Variants in IL6R observed in about 807,000 individuals in gnomAD.
IL6R encodes interleukin 6 receptor.
In IL6R, 38 loss-of-function variants were observed where a neutral mutation model predicts 48.3. That is an observed-to-expected ratio of 0.79 (90% CI 0.61 to 1.03). IL6R has a LOEUF of 1.03. Among genes scored for constraint, IL6R ranks in the 50% least tolerant of loss-of-function variants. The probability of loss-of-function intolerance (pLI) is 0.00; values close to 1 mark genes in which losing one functional copy is unlikely to be tolerated. For missense variants in IL6R, 534 were observed against 618.3 expected (o/e 0.86, Z 1.45); for synonymous variants, 264 against 256.2 (o/e 1.03, Z -0.29).
rs900310746 is a variant in IL6R, at chr1:154,430,667, G to A, written c.458+61G>A. 5.0e-6 allele frequency: 8 copies of A among 1,607,512 alleles called. No homozygotes were observed. The African/African-American group carries it at 1.1e-4, about 21-fold the overall frequency. ...TCCCTCCTTCCCGAGGCCCCCCAGAGAGGGGCTGGTTCAGGTGATTTCAAA... is the reference window on the plus strand; with the variant it reads ...TCCCTCCTTCCCGAGGCCCCCCAGAAAGGGGCTGGTTCAGGTGATTTCAAA... On this transcript the variant is annotated intron_variant, in intron 3 of 9. Transcript: ENST00000368485.
chr1:154,456,585 C>T (rs913223978), intron 9 of IL6R, among the ~76,000 whole-genome samples: 9 of 151,916 alleles, frequency 5.9e-5, no homozygotes, highest in African/African-American at 1.5e-4. Context: ...GGGAGGAGTC[C>T]GGGATGACCC....
Position 154,447,438 on chromosome 1 carries a change from C to CAAA in IL6R, c.950-672_950-670dup, listed in dbSNP as rs201893129. On this transcript the variant is annotated intron_variant, in intron 6 of 9. Coordinates refer to ENST00000368485, the MANE Select transcript of IL6R (RefSeq NM_000565.4). ...TGGGCAAAAGAGTGAAACTCCATCT[C>CAAA]AAAAAAAAAAAAAAAAATATATATA... 1.4e-3 allele frequency among the ~76,000 whole-genome samples: 53 copies of CAAA among 38,406 alleles called. No individual in the cohort carries two copies. In the Middle Eastern group the frequency reaches 0.054, roughly 39 times the overall value. The allele number at this position is 38,406 out of a possible 152,430, so 25.2% of individuals were successfully genotyped here.
chr1:154,420,782 C>G (rs763568961), intron 1 of IL6R, among the ~76,000 whole-genome samples: 1 of 151,966 alleles, frequency 6.6e-6, no homozygotes, highest in Non-Finnish European at 1.5e-5. Flanking sequence ...GTGATCCACC[C>G]GTCTCAGCCT....
Position 154,466,411 on chromosome 1 carries a change from A to C in IL6R, c.*1031A>C, listed in dbSNP as rs556237141. 3 of 152,354 alleles carry C rather than the reference A, an allele frequency of 2.0e-5. No homozygotes were observed. Among genetic ancestry groups the C allele is most frequent in the South Asian group, 4.1e-4 (2 of 4,824 alleles). 9.4% of individuals were successfully genotyped at this position (152,354 alleles called of 1,614,324 possible). A position where few individuals can be genotyped will look rare whatever the true frequency, so the allele number is the denominator to read the frequency against. On this transcript the variant is annotated 3_prime_UTR_variant, in exon 10 of 10. Transcript: ENST00000368485. Reference sequence around the variant, plus strand: ...ATGAGCCTGGCAAGAATGTGTTTAAACTTGGTTTTTAAAAAACTGCTGACT... The same window carrying C: ...ATGAGCCTGGCAAGAATGTGTTTAACCTTGGTTTTTAAAAAACTGCTGACT...
At chr1:154,445,807 C>G (rs1481020999) in intron 6 of IL6R, among the ~76,000 whole-genome samples, 1 of 151,442 alleles carries the variant, frequency 6.6e-6, no homozygotes, top group Non-Finnish European at 1.5e-5. Flanking sequence ...AGGCAACAAG[C>G]AAGGTGGAGC....
intron 8 of IL6R, among the ~76,000 whole-genome samples, chr1:154,450,487 A>G (rs1173058654): frequency 6.6e-6 from 1 of 152,218 alleles, no homozygotes; most frequent in Admixed American, 6.5e-5. Flanking sequence ...TATAATGAGG[A>G]GACCGTAAGA....
chr1:154,456,234 T>A (rs145679087), intron 9 of IL6R, among the ~76,000 whole-genome samples: 25 of 150,850 alleles, frequency 1.7e-4, no homozygotes, highest in African/African-American at 5.8e-4. Flanking sequence ...AGATGGAGTT[T>A]CGCTTTTGTT....
intron 1 of IL6R, among the ~76,000 whole-genome samples, chr1:154,416,188 G>A (rs1156565673): frequency 2.0e-5 from 3 of 151,858 alleles, no homozygotes; most frequent in African/African-American, 7.3e-5. Context: ...GGAGTGCAGT[G>A]TCTTGATCAT....
intron 1 of IL6R, among the ~76,000 whole-genome samples, chr1:154,426,106 CACAT>C (rs1167299552): frequency 2.7e-5 from 4 of 149,116 alleles, no homozygotes; most frequent in East Asian, 3.9e-4. Context: ...CACACACACA[CACAT>C]ATACACACAA....
intron 9 of IL6R, among the ~76,000 whole-genome samples, chr1:154,458,092 G>A (rs1691017708): frequency 2.0e-5 from 3 of 150,858 alleles, no homozygotes; most frequent in Admixed American, 1.3e-4. Flanking sequence ...TCAGCCTCCC[G>A]AGTAGGTGGG....
chr1:154,452,864 T>A (rs1199810097), intron 8 of IL6R, among the ~76,000 whole-genome samples: 2 of 151,702 alleles, frequency 1.3e-5, no homozygotes, highest in Non-Finnish European at 2.9e-5. Context: ...TAAGATCCAT[T>A]TAGATACATG....
At chr1:154,411,458 G>A (rs185149094) in intron 1 of IL6R, among the ~76,000 whole-genome samples, 2 of 152,174 alleles carry the variant, frequency 1.3e-5, no homozygotes, top group South Asian at 2.1e-4. Context: ...TGTGGGAGTC[G>A]TGTGCTGGCA....
rs141473163 is a variant in IL6R, at chr1:154,452,576, T to C, written c.1067-1912T>C. 3.0e-3 allele frequency among the ~76,000 whole-genome samples: 455 copies of C among 152,324 alleles called. 4 individuals carry two copies. The highest frequency in any genetic ancestry group is 0.011 in the African/African-American group (443 of 41,570). ...GGCCGGGCGCGGTGGCTCACGCCTG[T>C]AATCCCAGCACTTTGGGAGCCGAGG... On this transcript the variant is annotated intron_variant, in intron 8 of 9. Coordinates refer to ENST00000368485, the MANE Select transcript of IL6R (RefSeq NM_000565.4).
Position 154,430,476 on chromosome 1 carries a change from C to A in IL6R, c.335-7C>A, listed in dbSNP as rs1689231440. The A allele has an allele frequency of 1.2e-6, 2 of 1,612,408 alleles. No individual in the cohort carries two copies. The highest frequency in any genetic ancestry group is 2.2e-5 in the South Asian group (2 of 90,994). On this transcript the variant is annotated splice_region_variant and splice_polypyrimidine_tract_variant and intron_variant, in intron 2 of 9. Coordinates refer to ENST00000368485, the MANE Select transcript of IL6R (RefSeq NM_000565.4). The stretch of plus-strand genomic sequence containing the variant: ...GCCTGCTGACACCTGCAATGCTTTC[C>A]TTTCAGTTCCCCCCGAGGAGCCCCA...
chr1:154,448,262 A>G (rs1040462462), intron 7 of IL6R, 91 bp downstream of exon 7: 1 of 981,408 alleles, frequency 1.0e-6, no homozygotes, highest in South Asian at 1.3e-5. Flanking sequence ...GTTTAAATCC[A>G]GTTCTGTCAC....
chr1:154,445,725 A>G (rs564884827), intron 6 of IL6R, among the ~76,000 whole-genome samples: 1,560 of 148,070 alleles, frequency 0.011, 10 homozygotes, highest in South Asian at 0.023. Flanking sequence ...ACTCCAGCCC[A>G]GGCGACAGAG....
At position 154,435,508 on chromosome 1, in the gene IL6R, C is replaced by CAAA. The variant is rs71586014; in HGVS notation, c.807+365_807+367dup. Among the ~76,000 whole-genome samples the CAAA allele has an allele frequency of 3.7e-3, 501 of 135,390 alleles. 2 individuals carry two copies. Among genetic ancestry groups the CAAA allele is most frequent in the African/African-American group, 0.011 (389 of 35,774 alleles). The allele number at this position is 135,390 out of a possible 152,430, so 88.8% of individuals were successfully genotyped here. A position where few individuals can be genotyped will look rare whatever the true frequency, so the allele number is the denominator to read the frequency against. On this transcript the variant is annotated intron_variant, in intron 5 of 9. Coordinates refer to ENST00000368485, the MANE Select transcript of IL6R (RefSeq NM_000565.4). Reference sequence around the variant, plus strand: ...TGGGCGACAGAGTTAGACTCCATGTCAAAAAAAAAAAAAAATAGAAAGGGT... The same window carrying CAAA: ...TGGGCGACAGAGTTAGACTCCATGTCAAAAAAAAAAAAAAAAAATAGAAAGGGT...
chr1:154,436,550 G>A (rs1689641587), intron 6 of IL6R, among the ~76,000 whole-genome samples: 1 of 152,180 alleles, frequency 6.6e-6, no homozygotes, highest in Non-Finnish European at 1.5e-5. Context: ...CAGTCAGTTA[G>A]GCAGCTCTTC....
At chr1:154,437,736 C>T (rs990416395) in intron 6 of IL6R, among the ~76,000 whole-genome samples, 2 of 148,468 alleles carry the variant, frequency 1.3e-5, no homozygotes, top group Non-Finnish European at 3.0e-5. Flanking sequence ...TTTTTTTAGA[C>T]GGAATCTCGC....
Sources: allele counts gnomAD v4.1 joint callset (sites outside exome capture counted in the v4.1 genomes callset), GRCh38; gene constraint gnomAD v4.1.1; transcripts MANE v1.5; gene names NCBI Gene and HGNC (gene_info 2026-07-23, HGNC 2026-07-21).